IGF1R: variants seen among roughly 807,000 people sequenced by gnomAD.
IGF1R encodes the protein insulin like growth factor 1 receptor.
IGF1R carries 44 observed loss-of-function variants against 144.6 expected under a neutral mutation model. The observed-to-expected ratio is 0.30, with a 90% CI of 0.24 to 0.39. The LOEUF (loss-of-function observed/expected upper bound fraction) is 0.39, where lower values mean the gene tolerates loss of function less well. Ranked by LOEUF, IGF1R falls within the 10% of genes least tolerant of loss-of-function variation. IGF1R has a pLI of 1.00. For missense variants in IGF1R, 1,355 were observed against 1,833.7 expected (o/e 0.74, Z 4.77); for synonymous variants, 795 against 722.8 (o/e 1.10, Z -1.60).
intron 2 of IGF1R, chr15:98,820,844 G>A (rs1338028336): frequency 1.3e-5 from 2 of 152,146 alleles, no homozygotes; most frequent in Non-Finnish European, 2.9e-5. Flanking sequence ...TTTGAATTAC[G>A]GAACACCTCT....
chr15:98,930,266 T>C lies in IGF1R; in HGVS notation c.2917T>C (p.Tyr973His). ...NNSRLGNGVL[Y>H]ASVNPEYFSA... The stretch of plus-strand genomic sequence containing the variant: ...CAGCAGGCTGGGGAATGGAGTGCTG[T>C]ATGCCTCTGTGAACCCGGAGTACTT... Residue 973 changes from tyrosine (Y) to histidine (H), a missense_variant, in exon 15 of 21, where the codon TAT becomes CAT. Physicochemically the swap from Tyr to His is moderately conservative, Grantham distance 83. Around this residue, in one of 7 missense-constraint regions of IGF1R, gnomAD observed 880 missense variants for 1,202.7 expected, o/e 0.73. Coordinates refer to ENST00000650285, the MANE Select transcript of IGF1R (RefSeq NM_000875.5). 6.2e-7 allele frequency: 1 copy of C among 1,613,578 alleles called. No homozygotes were observed. The highest frequency in any genetic ancestry group is 8.5e-7 in the Non-Finnish European group (1 of 1,179,724).
chr15:98,662,689 G>T (rs2052629070), intron 1 of IGF1R, among the ~76,000 whole-genome samples: 1 of 152,198 alleles, frequency 6.6e-6, no homozygotes, highest in African/African-American at 2.4e-5. Context: ...AAGTATGTGG[G>T]CTGCAGGCAG....
rs149715433 is a variant in IGF1R, at chr15:98,951,227, G to A, written c.3722+2519G>A. On this transcript the variant is annotated intron_variant, in intron 20 of 20. Coordinates refer to ENST00000650285, the MANE Select transcript of IGF1R (RefSeq NM_000875.5). The stretch of plus-strand genomic sequence containing the variant: ...ATCAAGGCAGGGCCAGAACCAGAAA[G>A]TCGGCTGGTGCCCTGGGCCTGGGCC... 1.2e-3 allele frequency among the ~76,000 whole-genome samples: 178 copies of A among 152,342 alleles called. No homozygotes were observed. The Middle Eastern group carries it at 0.014, about 12-fold the overall frequency.
chr15:98,664,735 C>T (rs1315471532), intron 1 of IGF1R, among the ~76,000 whole-genome samples: 2 of 150,398 alleles, frequency 1.3e-5, no homozygotes, highest in African/African-American at 4.9e-5. Context: ...AGGATCGTTA[C>T]CAATACTTCA....
chr15:98,811,993 C>T (rs79850420), intron 2 of IGF1R, among the ~76,000 whole-genome samples: 30 of 152,362 alleles, frequency 2.0e-4, no homozygotes, highest in African/African-American at 6.3e-4. Context: ...TCTGTGCCCT[C>T]TGAATATTTC....
At chr15:98,936,988 C>A (rs1041661410) in intron 17 of IGF1R, among the ~76,000 whole-genome samples, 1 of 152,290 alleles carries the variant, frequency 6.6e-6, no homozygotes. Context: ...TGGGTTCAAG[C>A]GATTCTCCTG....
chr15:98,955,322 C>T (rs2016935864), intron 20 of IGF1R, among the ~76,000 whole-genome samples: 1 of 152,248 alleles, frequency 6.6e-6, no homozygotes. Flanking sequence ...TGGGGGCCTT[C>T]ATATTTTGTC....
intron 2 of IGF1R, among the ~76,000 whole-genome samples, chr15:98,860,156 C>G (rs1360063935): frequency 6.6e-6 from 1 of 152,234 alleles, no homozygotes; most frequent in Non-Finnish European, 1.5e-5. Context: ...TTGACTGATC[C>G]TTGACTCTGA....
chr15:98,810,689 C>T (rs1387310375), intron 2 of IGF1R, among the ~76,000 whole-genome samples: 3 of 152,038 alleles, frequency 2.0e-5, no homozygotes, highest in African/African-American at 7.2e-5. Context: ...GCTGGGACTA[C>T]AGGCGCCCGC....
chr15:98,776,820 T>TA (rs1168704450), intron 2 of IGF1R, among the ~76,000 whole-genome samples: 1 of 152,154 alleles, frequency 6.6e-6, no homozygotes, highest in Admixed American at 6.5e-5. Flanking sequence ...AACCACATCT[T>TA]AAAACGCCCG....
chr15:98,877,524 T>A (rs2013124276), intron 2 of IGF1R, among the ~76,000 whole-genome samples: 1 of 103,008 alleles, frequency 9.7e-6, no homozygotes, highest in Admixed American at 1.3e-4. Flanking sequence ...CCCCAAAAAA[T>A]TTGCTACTCT....
At chr15:98,934,254 G>A (rs552423396) in intron 15 of IGF1R, among the ~76,000 whole-genome samples, 1 of 152,074 alleles carries the variant, frequency 6.6e-6, no homozygotes, top group Admixed American at 6.5e-5. Context: ...TGTGTTGAGG[G>A]CCCTGACACC....
In IGF1R at chr15:98,712,905, C is replaced by T. The variant is rs555643570; in HGVS notation, c.640+4798C>T. Among the ~76,000 whole-genome samples the T allele has an allele frequency of 8.0e-5, 12 of 149,616 alleles. No homozygotes were observed. In the South Asian group the frequency reaches 2.2e-3, roughly 27 times the overall value. On this transcript the variant is annotated intron_variant, in intron 2 of 20. Transcript: ENST00000650285. ...GATTACAGGCATGAGCCACTGCGCC[C>T]GGCCATCTAGTGTGCACTTTGGACT... is the stretch of plus-strand genomic sequence containing the variant.
At chr15:98,799,649 G>C (rs889882473) in intron 2 of IGF1R, among the ~76,000 whole-genome samples, 54 of 152,176 alleles carry the variant, frequency 3.5e-4, no homozygotes, top group African/African-American at 1.2e-3. Flanking sequence ...ATGGGGGACC[G>C]AGTGTGGTAG....
rs150365777 is a variant in IGF1R, at chr15:98,665,896, G to A, written c.94+16221G>A. Among the ~76,000 whole-genome samples the A allele has an allele frequency of 1.8e-3, 266 of 144,804 alleles. 1 individual carries two copies. The highest frequency in any genetic ancestry group is 6.4e-3 in the African/African-American group (261 of 40,914). The allele number at this position is 144,804 out of a possible 152,430, so 95.0% of individuals were successfully genotyped here. On this transcript the variant is annotated intron_variant, in intron 1 of 20. Transcript: ENST00000650285. ...CAGAATTCAAGGTTAGTCCTGTTTAGGCAACTTGGTAGATGGACTTGAATG... is the reference window on the plus strand; with the variant it reads ...CAGAATTCAAGGTTAGTCCTGTTTAAGCAACTTGGTAGATGGACTTGAATG...
chr15:98,773,297 TG>T (rs1266002351), intron 2 of IGF1R, among the ~76,000 whole-genome samples: 2 of 152,152 alleles, frequency 1.3e-5, no homozygotes, highest in Non-Finnish European at 2.9e-5. Context: ...AAGAGAAGTA[TG>T]GCTGCTGTTG....
chr15:98,755,289 A>T (rs1041605814), intron 2 of IGF1R, among the ~76,000 whole-genome samples: 1 of 152,226 alleles, frequency 6.6e-6, no homozygotes, highest in African/African-American at 2.4e-5. Context: ...TCAGCAGTTC[A>T]CAAAATGGAT....
intron 13 of IGF1R, among the ~76,000 whole-genome samples, chr15:98,927,828 A>G (rs1295480711): frequency 6.6e-6 from 1 of 152,222 alleles, no homozygotes; most frequent in Non-Finnish European, 1.5e-5. Context: ...ATAATCATTG[A>G]TAGGGGACTT....
Position 98,699,130 on chromosome 15 carries a change from A to C in IGF1R, c.95-8432A>C, listed in dbSNP as rs545163617. On this transcript the variant is annotated intron_variant, in intron 1 of 20. Transcript: ENST00000650285. ...AAGGCAGAAGGAACTTGGTTTTTGC[A>C]GGTGCCTGCTCAGCATGGGCCTTGC... Among the ~76,000 whole-genome samples, 8 of 152,346 alleles carry C rather than the reference A, an allele frequency of 5.3e-5. No homozygotes were observed. In the South Asian group the frequency reaches 1.7e-3, roughly 32 times the overall value.
Sources: allele counts gnomAD v4.1 joint callset (sites outside exome capture counted in the v4.1 genomes callset), GRCh38; gene constraint gnomAD v4.1.1; regional missense constraint gnomAD v4.1.1; transcripts MANE v1.5; gene names NCBI Gene and HGNC (gene_info 2026-07-23, HGNC 2026-07-21).